The following ZRANB3 variants were observed in gnomAD, a reference collection of about 807,000 sequenced individuals.
The protein encoded by ZRANB3 is zinc finger RANBP2-type containing 3.
ZRANB3 carries 125 observed loss-of-function variants against 133.8 expected under a neutral mutation model. The observed-to-expected ratio is 0.93, with a 90% CI of 0.81 to 1.08. The LOEUF (loss-of-function observed/expected upper bound fraction) is 1.08, where lower values mean the gene tolerates loss of function less well. ZRANB3 is among the 50% of genes least tolerant of loss of function. The probability of loss-of-function intolerance (pLI) is 0.00; values close to 1 mark genes in which losing one functional copy is unlikely to be tolerated. For missense variants in ZRANB3, 1,229 were observed against 1,275.5 expected (o/e 0.96, Z 0.56); for synonymous variants, 387 against 432.7 (o/e 0.89, Z 1.31).
At chr2:135,363,363 T>TA (rs952116817) in intron 3 of ZRANB3, among the ~76,000 whole-genome samples, 6 of 152,180 alleles carry the variant, frequency 3.9e-5, no homozygotes, top group Non-Finnish European at 7.3e-5. Context: ...CACAAGACAG[T>TA]AAAAAATGAG....
intron 8 of ZRANB3, among the ~76,000 whole-genome samples, chr2:135,292,858 T>A (rs893366261): frequency 5.3e-5 from 8 of 152,068 alleles, no homozygotes; most frequent in African/African-American, 1.9e-4. Flanking sequence ...GGGAATCCTT[T>A]CCCCATTGCT....
intron 3 of ZRANB3, among the ~76,000 whole-genome samples, chr2:135,363,013 T>C (rs1455666336): frequency 6.6e-6 from 1 of 152,178 alleles, no homozygotes; most frequent in Non-Finnish European, 1.5e-5. Context: ...GAAATGACTT[T>C]CAAGTAAAAA....
chr2:135,322,431 T>C (rs779718378), intron 6 of ZRANB3, among the ~76,000 whole-genome samples: 14 of 152,130 alleles, frequency 9.2e-5, no homozygotes, highest in Non-Finnish European at 1.6e-4. Context: ...TAAAAAATAT[T>C]GAGGCCAGGC....
At chr2:135,391,769 C>T (rs565345947) in intron 2 of ZRANB3, among the ~76,000 whole-genome samples, 12 of 151,936 alleles carry the variant, frequency 7.9e-5, no homozygotes, top group African/African-American at 2.7e-4. Flanking sequence ...TTAGTAGAGA[C>T]GGGGTTTCAC....
chr2:135,408,719 G>A (rs571879593), intron 2 of ZRANB3, among the ~76,000 whole-genome samples: 2 of 151,776 alleles, frequency 1.3e-5, no homozygotes, highest in Non-Finnish European at 2.9e-5. Flanking sequence ...GCAAACTATC[G>A]CAAGGACAAA....
chr2:135,519,359 A>G (rs1254122090), intron 1 of ZRANB3, among the ~76,000 whole-genome samples: 1 of 152,058 alleles, frequency 6.6e-6, no homozygotes, highest in African/African-American at 2.4e-5. Context: ...AAAACAAAAC[A>G]CCCTGGCTTG....
intron 12 of ZRANB3, among the ~76,000 whole-genome samples, chr2:135,234,468 C>T (rs6732062): frequency 0.11 from 16,711 of 152,204 alleles, 1,177 homozygotes; most frequent in South Asian, 0.32. Context: ...TAGAACTCTC[C>T]ACCCCAAATC....
At chr2:135,460,745 AT>A (rs1340172946) in intron 2 of ZRANB3, among the ~76,000 whole-genome samples, 13 of 152,214 alleles carry the variant, frequency 8.5e-5, no homozygotes, top group African/African-American at 1.9e-4. Context: ...TAGGCAATGA[AT>A]TTAACAAATT....
chr2:135,501,638 A>G (rs555263519), intron 2 of ZRANB3, among the ~76,000 whole-genome samples: 94 of 152,238 alleles, frequency 6.2e-4, no homozygotes, highest in Admixed American at 5.6e-3. Context: ...TGGTATAGTT[A>G]TTAGGTCTCT....
chr2:135,408,242 C>T (rs983089191), intron 2 of ZRANB3, among the ~76,000 whole-genome samples: 1 of 152,160 alleles, frequency 6.6e-6, no homozygotes, highest in African/African-American at 2.4e-5. Context: ...CATCACTGCT[C>T]ATCAGAGAAA....
intron 12 of ZRANB3, among the ~76,000 whole-genome samples, chr2:135,244,868 A>G (rs1053553718): frequency 3.9e-5 from 6 of 152,238 alleles, no homozygotes; most frequent in Non-Finnish European, 7.3e-5. Flanking sequence ...GACAGTAATG[A>G]GAAACTGATG....
chr2:135,415,512 G>A (rs373780380), intron 2 of ZRANB3, among the ~76,000 whole-genome samples: 198 of 152,142 alleles, frequency 1.3e-3, no homozygotes, highest in African/African-American at 3.5e-3. Flanking sequence ...ATTCACAGCC[G>A]AATTCTACCA....
At chr2:135,286,263 A>G in intron 8 of ZRANB3, among the ~76,000 whole-genome samples, 1 of 152,036 alleles carries the variant, frequency 6.6e-6, no homozygotes, top group East Asian at 1.9e-4. Flanking sequence ...CCATTGTATC[A>G]TTCTTACGCC....
intron 8 of ZRANB3, among the ~76,000 whole-genome samples, chr2:135,278,714 G>GA (rs1210808286): frequency 1.3e-5 from 2 of 152,034 alleles, no homozygotes; most frequent in African/African-American, 4.8e-5. Context: ...AAGAAGAAAA[G>GA]AAAAACCTTT....
rs573080883 is a variant in ZRANB3, at chr2:135,470,605, T to C, written c.161+33724A>G. 2.2e-4 allele frequency among the ~76,000 whole-genome samples: 33 copies of C among 151,536 alleles called. No homozygotes were observed. The South Asian group carries it at 5.8e-3, about 27-fold the overall frequency. On this transcript the variant is annotated intron_variant, in intron 2 of 20. Transcript: ENST00000264159. ...GGGAGGCTGAGGCAGGAGGATTGCT[T>C]GAATTCGGGAGGCGGAGGTTGAAGT... is the stretch of plus-strand genomic sequence containing the variant.
intron 8 of ZRANB3, among the ~76,000 whole-genome samples, chr2:135,308,186 G>T (rs1682793619): frequency 6.6e-6 from 1 of 152,080 alleles, no homozygotes; most frequent in Middle Eastern, 3.2e-3. Context: ...TGGTGCTAAA[G>T]GGGTCTCTGC....
At chr2:135,290,758 T>A (rs904813894) in intron 8 of ZRANB3, among the ~76,000 whole-genome samples, 10 of 150,468 alleles carry the variant, frequency 6.6e-5, no homozygotes, top group Admixed American at 6.7e-5. Flanking sequence ...ATTTCAAGGA[T>A]TTGTTTCAAG....
chr2:135,338,407 C>T (rs1684465922), intron 6 of ZRANB3, among the ~76,000 whole-genome samples: 1 of 152,226 alleles, frequency 6.6e-6, no homozygotes, highest in Non-Finnish European at 1.5e-5. Context: ...CTCCAGCCAG[C>T]TGGGTAATCA....
At chr2:135,431,225 G>A (rs990114655) in intron 2 of ZRANB3, among the ~76,000 whole-genome samples, 17 of 151,528 alleles carry the variant, frequency 1.1e-4, no homozygotes, top group Admixed American at 7.2e-4. Context: ...TCAGAGAGTC[G>A]AGGCTGCAGT....
Sources: allele counts gnomAD v4.1 joint callset (sites outside exome capture counted in the v4.1 genomes callset), GRCh38; gene constraint gnomAD v4.1.1; transcripts MANE v1.5; gene names NCBI Gene and HGNC (gene_info 2026-07-23, HGNC 2026-07-21).